Variants in CDH23 observed in about 807,000 individuals in gnomAD.
CDH23 encodes the protein cadherin-23.
Under a neutral mutation model 317.1 loss-of-function variants are expected in CDH23, and 189 were observed. The observed-to-expected ratio is 0.60, with a 90% CI of 0.53 to 0.67. CDH23 has a LOEUF of 0.67. CDH23 is among the 30% of genes least tolerant of loss of function. The pLI, the probability that CDH23 is intolerant of heterozygous loss-of-function variation, is 0.00. For missense variants in CDH23, 4,401 were observed against 4,592.4 expected (o/e 0.96, Z 1.20); for synonymous variants, 1,839 against 1,876.8 (o/e 0.98, Z 0.52).
intron 39 of CDH23, 121 bp from the exon 40 acceptor site, chr10:71,778,068 G>A: frequency 2.0e-6 from 3 of 1,477,034 alleles, no homozygotes; most frequent in Non-Finnish European, 2.8e-6. Context: ...GCCTGGGCTA[G>A]GGGGTGGCAG....
chr10:71,490,709 C>T (rs1852606998), intron 3 of CDH23, among the ~76,000 whole-genome samples: 1 of 152,214 alleles, frequency 6.6e-6, no homozygotes, highest in South Asian at 2.1e-4. Flanking sequence ...TAACGACTGA[C>T]ACTTATTGAA....
At chr10:71,584,192 T>C (rs1858868589) in intron 9 of CDH23, among the ~76,000 whole-genome samples, 1 of 152,194 alleles carries the variant, frequency 6.6e-6, no homozygotes, top group Non-Finnish European at 1.5e-5. Context: ...TTACATTATA[T>C]CCATGGTGTT....
rs772004202 is a variant in CDH23 at position 71,812,885 on chromosome 10, A to G, written c.9628A>G (p.Ile3210Val). The change falls in exon 68 of 70, where the codon ATC becomes GTC. Residue 3210 changes from isoleucine to valine, a missense_variant. By Grantham distance (29) the Ile-to-Val change is conservative (BLOSUM62 3). This residue lies in a region of CDH23 where 1,144 missense variants were observed against 1,138.2 expected (regional missense o/e 1.01). Transcript: ENST00000224721. ...KLGQIIREGPIKGSLLKVVLE... is the reference protein window; with the variant it reads ...KLGQIIREGPVKGSLLKVVLE... ...GGGCCAGATCATTCGTGAGGGGCCA[A>G]TCAAGGTGAGCCTTCCCTGCAGGCT... 2.5e-6 allele frequency: 4 copies of G among 1,613,480 alleles called. No individual in the cohort carries two copies. Among genetic ancestry groups the G allele is most frequent in the Non-Finnish European group, 2.5e-6 (3 of 1,179,666 alleles).
chr10:71,427,109 C>T lies in CDH23; in HGVS notation c.-5-12718C>T, dbSNP rs61853171. Among the ~76,000 whole-genome samples, 555 of 148,298 alleles carry T rather than the reference C, an allele frequency of 3.7e-3. 3 individuals are homozygous for T. The highest frequency in any genetic ancestry group is 0.012 in the African/African-American group (477 of 39,990). ...GAGGCTGCAGTGAGCTGTGACTGCA[C>T]CACTGCACTCCATCCAGCCTGGGCA... is the stretch of plus-strand genomic sequence containing the variant. On this transcript the variant is annotated intron_variant, in intron 1 of 69. Transcript: ENST00000224721.
intron 1 of CDH23, among the ~76,000 whole-genome samples, chr10:71,405,258 T>C (rs899061686): frequency 1.3e-5 from 2 of 152,074 alleles, no homozygotes; most frequent in African/African-American, 4.8e-5. Flanking sequence ...CTTCTCCTGC[T>C]CCGAACTGCC....
chr10:71,602,507 A>G (rs1228378458), intron 9 of CDH23, among the ~76,000 whole-genome samples: 3 of 152,144 alleles, frequency 2.0e-5, no homozygotes, highest in Non-Finnish European at 4.4e-5. Flanking sequence ...ACATGATCTC[A>G]GTGATGCAAG....
intron 9 of CDH23, among the ~76,000 whole-genome samples, chr10:71,592,702 C>T (rs995471684): frequency 2.6e-5 from 4 of 152,198 alleles, no homozygotes; most frequent in Non-Finnish European, 5.9e-5. Flanking sequence ...AACCAAACTA[C>T]ATCTGCAAAG....
chr10:71,673,127 CCTT>C (rs1864214999), intron 14 of CDH23, among the ~76,000 whole-genome samples: 1 of 152,194 alleles, frequency 6.6e-6, no homozygotes, highest in Non-Finnish European at 1.5e-5. Context: ...TGCACCACCC[CCTT>C]CTTATTCATT....
At chr10:71,701,987 C>T (rs767344367) in intron 22 of CDH23, 35 bp from the exon 23 acceptor site, 24 of 1,608,554 alleles carry the variant, frequency 1.5e-5, no homozygotes, top group African/African-American at 8.0e-5. Flanking sequence ...TCCCCAGGCG[C>T]GGCTCAGTGA....
chr10:71,589,830 A>G (rs2132440748), intron 9 of CDH23, among the ~76,000 whole-genome samples: 1 of 152,374 alleles, frequency 6.6e-6, no homozygotes, highest in East Asian at 1.9e-4. Flanking sequence ...ACATCATATT[A>G]ATAGCTACCA....
intron 1 of CDH23, among the ~76,000 whole-genome samples, chr10:71,439,371 CCT>C (rs1041331164): frequency 2.6e-5 from 4 of 152,186 alleles, no homozygotes; most frequent in African/African-American, 9.7e-5. Flanking sequence ...TGCCAAGCCC[CCT>C]GTTAGACCGC....
chr10:71,757,370 A>C (rs1840176293), intron 38 of CDH23, among the ~76,000 whole-genome samples: 1 of 152,200 alleles, frequency 6.6e-6, no homozygotes, highest in Admixed American at 6.5e-5. Context: ...TCACTTTGAG[A>C]GCCTGAGGCT....
Position 71,683,135 on chromosome 10 carries a change from G to A in CDH23, c.1986+563G>A, listed in dbSNP as rs114361922. 7.6e-4 allele frequency among the ~76,000 whole-genome samples: 116 copies of A among 152,228 alleles called. 1 individual carries two copies. Among genetic ancestry groups the A allele is most frequent in the African/African-American group, 2.4e-3 (101 of 41,522 alleles). Reference sequence around the variant, plus strand: ...TATCAGTTGCTGAATCCATCTCCACGCTGGTTCATTTGCCCAATGCCACAC... The same window carrying A: ...TATCAGTTGCTGAATCCATCTCCACACTGGTTCATTTGCCCAATGCCACAC... On this transcript the variant is annotated intron_variant, in intron 18 of 69. Transcript: ENST00000224721.
In CDH23 at chr10:71,812,585, G is replaced by A. The variant is rs2133007235; in HGVS notation, c.9486G>A (p.Leu3162=). The change falls in exon 67 of 70, where the codon CTG becomes CTA. Residue 3162 remains leucine, a synonymous_variant. Coordinates refer to ENST00000224721, the MANE Select transcript of CDH23 (RefSeq NM_022124.6). ...AGAACCTGAGTGAGATCGCCGACCT[G>A]TGGAACAGCCCCACGCGCACCCATG... ...LPENLSEIAD[L]WNSPTRTHGT... is the part of the protein sequence containing the mutation. 2 of 1,613,974 alleles carry A rather than the reference G, an allele frequency of 1.2e-6. No homozygotes were observed. The highest frequency in any genetic ancestry group is 1.7e-6 in the Non-Finnish European group (2 of 1,179,898).
chr10:71,681,002 T>C lies in CDH23; in HGVS notation c.1859-1443T>C, dbSNP rs1864621839. Among the ~76,000 whole-genome samples, 3 of 151,480 alleles carry C rather than the reference T, an allele frequency of 2.0e-5. No individual in the cohort carries two copies. The South Asian group carries it at 6.3e-4, about 32-fold the overall frequency. ...CCACCACGCCCAGCTAATTTTTGTA[T>C]TTCTAGTAGAGATGGGGTTTTGCTA... On this transcript the variant is annotated intron_variant, in intron 17 of 69. Transcript: ENST00000224721.
At chr10:71,767,222 G>A (rs952395610) in intron 38 of CDH23, among the ~76,000 whole-genome samples, 3 of 152,204 alleles carry the variant, frequency 2.0e-5, no homozygotes, top group African/African-American at 7.2e-5. Context: ...CAGGCCCCGG[G>A]TGACCCCTGT....
At chr10:71,678,965 G>T (rs1864491400) in intron 16 of CDH23, among the ~76,000 whole-genome samples, 1 of 152,190 alleles carries the variant, frequency 6.6e-6, no homozygotes, top group Non-Finnish European at 1.5e-5. Flanking sequence ...CTGGGTGTAA[G>T]GGGACCAATG....
At chr10:71,538,894 A>T (rs775676655) in intron 6 of CDH23, among the ~76,000 whole-genome samples, 1 of 152,186 alleles carries the variant, frequency 6.6e-6, no homozygotes, top group Non-Finnish European at 1.5e-5. Flanking sequence ...CCAAGTTCTC[A>T]TGGTTGGTAA....
chr10:71,624,293 C>T (rs1471217179), intron 11 of CDH23, among the ~76,000 whole-genome samples: 1 of 152,232 alleles, frequency 6.6e-6, no homozygotes, highest in Non-Finnish European at 1.5e-5. Context: ...AAACCCCCTG[C>T]AGCATCCCTT....
Sources: allele counts gnomAD v4.1 joint callset (sites outside exome capture counted in the v4.1 genomes callset), GRCh38; gene constraint gnomAD v4.1.1; regional missense constraint gnomAD v4.1.1; transcripts MANE v1.5; gene names NCBI Gene and HGNC (gene_info 2026-07-23, HGNC 2026-07-21).